RPTOR: variants seen among roughly 807,000 people sequenced by gnomAD.
RPTOR encodes the protein regulatory-associated protein of mTOR.
In RPTOR, 21 loss-of-function variants were observed where a neutral mutation model predicts 169.9. The ratio of observed to expected loss-of-function variants is 0.12; its 90% CI spans 0.09 to 0.18. The LOEUF (loss-of-function observed/expected upper bound fraction) is 0.18. Among genes scored for constraint, RPTOR ranks in the 10% least tolerant of loss-of-function variants. The probability of loss-of-function intolerance (pLI) is 1.00; values close to 1 mark genes in which losing one functional copy is unlikely to be tolerated. For synonymous variants in RPTOR, 732 were observed against 753.2 expected, an observed-to-expected ratio of 0.97 and a Z score of 0.46; for missense variants, 1,133 against 1,855.9, an observed-to-expected ratio of 0.61 and a Z score of 7.16.
At chr17:80,802,809 G>C (rs933130868) in intron 7 of RPTOR, 1 of 152,328 alleles carries the variant, frequency 6.6e-6, no homozygotes, top group African/African-American at 2.4e-5. Flanking sequence ...GTTGGCCTTT[G>C]CTCTTGTGTA....
chr17:80,891,837 G>A lies in RPTOR; in HGVS notation c.2101G>A (p.Glu701Lys). The A allele has an allele frequency of 6.2e-7, 1 of 1,604,706 alleles. No homozygotes were observed. The highest frequency in any genetic ancestry group is 8.5e-7 in the Non-Finnish European group (1 of 1,171,968). ...CGCCTTGCCTTCTCCAGCAACCACA[G>A]GTATGGCGTCTTCTCCTGTGAACCC... ...NYALPSPATTEGGSLTPVRDS... is the reference protein window; with the variant it reads ...NYALPSPATTKGGSLTPVRDS... The change falls in exon 18 of 34, where the codon GAG (glutamate) becomes AAG (lysine). Residue 701 changes from glutamate to lysine, a missense_variant and splice_region_variant. Glu to Lys is a moderately conservative substitution (Grantham distance 56). Coordinates refer to ENST00000306801, the MANE Select transcript of RPTOR (RefSeq NM_020761.3).
chr17:80,738,413 C>G (rs776601801), intron 5 of RPTOR, among the ~76,000 whole-genome samples: 1 of 152,180 alleles, frequency 6.6e-6, no homozygotes, highest in African/African-American at 2.4e-5. Context: ...TTTGTTGGCA[C>G]CTTTCGTAAC....
In RPTOR at chr17:80,960,012, T is replaced by C. The variant is rs567782901; in HGVS notation, c.3478-66T>C. 89 of 1,594,450 alleles carry C rather than the reference T, an allele frequency of 5.6e-5. No individual in the cohort carries two copies. The South Asian group carries it at 9.2e-4, about 17-fold the overall frequency. On this transcript the variant is annotated intron_variant, in intron 29 of 33. Transcript: ENST00000306801. The surrounding 1 kb of genome is among the most constrained non-coding windows in gnomAD (Gnocchi z 4.8). ...CAGGCAGCAAGAGGGGTCCTGGCGC[T>C]GCAGGACAGCAGGGAGGGTGGCTCG... is the stretch of plus-strand genomic sequence containing the variant.
At chr17:80,929,090 G>T (rs1010668986) in intron 24 of RPTOR, among the ~76,000 whole-genome samples, 1 of 152,216 alleles carries the variant, frequency 6.6e-6, no homozygotes. Context: ...GATTTGTAAT[G>T]GGAAAAAGTT....
rs1336292440 is a variant in RPTOR, at chr17:80,695,746, A to G, written c.349-12095A>G. Reference sequence around the variant, plus strand: ...AGGTCACCTCTTTTATTTCTGAAAAACAAGTCGCTTGAGGCCCATCTTTAC... The same window carrying G: ...AGGTCACCTCTTTTATTTCTGAAAAGCAAGTCGCTTGAGGCCCATCTTTAC... On this transcript the variant is annotated intron_variant, in intron 3 of 33. Coordinates refer to ENST00000306801, the MANE Select transcript of RPTOR (RefSeq NM_020761.3). This position sits in a 1 kb window ranked among gnomAD's most constrained non-coding sequence, Gnocchi z 4.9. 6.6e-6 allele frequency among the ~76,000 whole-genome samples: 1 copy of G among 152,146 alleles called. No homozygotes were observed. The highest frequency in any genetic ancestry group is 2.4e-5 in the African/African-American group (1 of 41,422).
intron 1 of RPTOR, among the ~76,000 whole-genome samples, chr17:80,587,485 T>G (rs1420103921): frequency 6.6e-6 from 1 of 152,176 alleles, no homozygotes; most frequent in Non-Finnish European, 1.5e-5. Flanking sequence ...TTAGCACCTG[T>G]GTGGATTTTC....
intron 33 of RPTOR, 67 bp downstream of exon 33, chr17:80,963,124 C>G: frequency 1.5e-6 from 2 of 1,373,450 alleles, no homozygotes; most frequent in Non-Finnish European, 1.0e-6. Flanking sequence ...GGCAAGGGGA[C>G]AAGGCAGCAG....
At chr17:80,771,055 C>G (rs2066838332) in intron 6 of RPTOR, among the ~76,000 whole-genome samples, 1 of 152,250 alleles carries the variant, frequency 6.6e-6, no homozygotes, top group South Asian at 2.1e-4. Flanking sequence ...GCCTCACTGG[C>G]CTGTCCCTAA....
chr17:80,823,508 A>G lies in RPTOR; in HGVS notation c.1136+285A>G. 1 of 317,826 alleles carries G rather than the reference A, an allele frequency of 3.1e-6. No individual in the cohort carries two copies. The highest frequency in any genetic ancestry group is 4.5e-5 in the Admixed American group (1 of 22,328). The allele number at this position is 317,826 out of a possible 1,614,324, so 19.7% of individuals were successfully genotyped here. On this transcript the variant is annotated intron_variant, in intron 9 of 33. Coordinates refer to ENST00000306801, the MANE Select transcript of RPTOR (RefSeq NM_020761.3). The surrounding 1 kb of genome is among the most constrained non-coding windows in gnomAD (Gnocchi z 4.5). ...CAACTCGGGAGGGTAGCACTTTGCA[A>G]GAGAGTTTCTAACCTTTTAGAAACC...
intron 22 of RPTOR, 138 bp downstream of exon 22, chr17:80,922,965 G>C: frequency 1.5e-6 from 1 of 687,710 alleles, no homozygotes; most frequent in East Asian, 2.7e-5. Flanking sequence ...TCTCCAGCGG[G>C]CGTTCTTTCC....
At chr17:80,671,268 C>G (rs932925215) in intron 3 of RPTOR, among the ~76,000 whole-genome samples, 30 of 152,108 alleles carry the variant, frequency 2.0e-4, no homozygotes, top group African/African-American at 6.8e-4. Context: ...AGGCTCGGCA[C>G]AGTAGGAAGC....
At chr17:80,812,672 C>G (rs2143580520) in intron 7 of RPTOR, among the ~76,000 whole-genome samples, 1 of 152,294 alleles carries the variant, frequency 6.6e-6, no homozygotes, top group East Asian at 1.9e-4. Context: ...GAGTCTTGGC[C>G]CCATAATTTC....
chr17:80,816,820 G>T (rs1248382621), intron 7 of RPTOR, among the ~76,000 whole-genome samples: 1 of 152,192 alleles, frequency 6.6e-6, no homozygotes. Context: ...GGCCACATGG[G>T]TTTTCCCCAG....
chr17:80,587,774 CT>C (rs56133925), intron 1 of RPTOR, among the ~76,000 whole-genome samples: 191 of 146,782 alleles, frequency 1.3e-3, no homozygotes, highest in African/African-American at 1.4e-3. Context: ...ACATATGTAT[CT>C]TTTTTTTTTT....
intron 3 of RPTOR, among the ~76,000 whole-genome samples, chr17:80,669,751 A>G (rs555793989): frequency 6.6e-6 from 1 of 152,288 alleles, no homozygotes; most frequent in East Asian, 1.9e-4. Flanking sequence ...AGACCTCTCC[A>G]TGGAGGGACA....
chr17:80,930,344 T>TCATCCC (rs2068871662), intron 24 of RPTOR, among the ~76,000 whole-genome samples: 2 of 10,402 alleles, frequency 1.9e-4, no homozygotes, highest in East Asian at 2.0e-3. Flanking sequence ...CAGCTCATCC[T>TCATCCC]CAGCTCATCC....
At position 80,962,483 on chromosome 17, in the gene RPTOR, T is replaced by A; in HGVS notation, c.3715T>A (p.Phe1239Ile). ...SVSVNGDVRI[F>I]DPRMPESVNV... is the part of the protein sequence containing the mutation. ...CAGCGTCAATGGAGATGTGCGCATC[T>A]TTGATCCCCGGATGCCTGAGTCGGT... is the stretch of plus-strand genomic sequence containing the variant. The change falls in exon 32 of 34, where the codon TTT becomes ATT. Residue 1239 changes from phenylalanine (F) to isoleucine (I), a missense_variant. Physicochemically the swap from Phe to Ile is conservative, Grantham distance 21 (BLOSUM62 0). Coordinates refer to ENST00000306801, the MANE Select transcript of RPTOR (RefSeq NM_020761.3). 6.2e-7 allele frequency: 1 copy of A among 1,613,962 alleles called. No individual in the cohort carries two copies. Among genetic ancestry groups the A allele is most frequent in the South Asian group, 1.1e-5 (1 of 91,086 alleles).
chr17:80,951,665 G>C (rs2069180093), intron 28 of RPTOR, among the ~76,000 whole-genome samples: 1 of 152,238 alleles, frequency 6.6e-6, no homozygotes, highest in African/African-American at 2.4e-5. Flanking sequence ...GTTCAAACCA[G>C]TTCACTCGGC....
At chr17:80,599,648 A>G (rs1190121779) in intron 1 of RPTOR, among the ~76,000 whole-genome samples, 1 of 152,164 alleles carries the variant, frequency 6.6e-6, no homozygotes, top group Non-Finnish European at 1.5e-5. Flanking sequence ...CTACTCTGCC[A>G]ATGTGAGAAG....
Sources: allele counts gnomAD v4.1 joint callset (sites outside exome capture counted in the v4.1 genomes callset), GRCh38; gene constraint gnomAD v4.1.1; non-coding constraint Gnocchi (gnomAD v3.1); transcripts MANE v1.5; gene names NCBI Gene and HGNC (gene_info 2026-07-23, HGNC 2026-07-21).